FAM135A: variants seen among roughly 807,000 people sequenced by gnomAD.
FAM135A encodes protein FAM135A.
Under a neutral mutation model 146.8 loss-of-function variants are expected in FAM135A, and 79 were observed. That is an observed-to-expected ratio of 0.54 (90% CI 0.45 to 0.65). The LOEUF (loss-of-function observed/expected upper bound fraction) is 0.65, where lower values mean the gene tolerates loss of function less well. FAM135A is among the 30% of genes least tolerant of loss of function. FAM135A has a pLI of 0.00. For missense variants in FAM135A, 1,623 were observed against 1,758.2 expected (o/e 0.92, Z 1.38); for synonymous variants, 562 against 603.6 (o/e 0.93, Z 1.01).
intron 11 of FAM135A, among the ~76,000 whole-genome samples, chr6:70,496,348 G>T (rs568714569): frequency 6.6e-6 from 1 of 152,146 alleles, no homozygotes; most frequent in African/African-American, 2.4e-5. Context: ...ACTTTTCAAT[G>T]GGGTTGTTTT....
intron 4 of FAM135A, among the ~76,000 whole-genome samples, chr6:70,449,932 G>A (rs530090224): frequency 1.3e-4 from 20 of 151,986 alleles, no homozygotes; most frequent in African/African-American, 3.6e-4. Context: ...TATCTTTTCC[G>A]TTTTCTTTTT....
chr6:70,492,575 G>T (rs2128221807), intron 11 of FAM135A, among the ~76,000 whole-genome samples: 1 of 150,412 alleles, frequency 6.6e-6, no homozygotes, highest in East Asian at 2.0e-4. Flanking sequence ...GAGAATATTT[G>T]CAATATTTAA....
chr6:70,493,303 A>G (rs913947857), intron 11 of FAM135A, among the ~76,000 whole-genome samples: 1 of 152,094 alleles, frequency 6.6e-6, no homozygotes, highest in African/African-American at 2.4e-5. Context: ...ATTTGAAAGG[A>G]TATATATATT....
intron 18 of FAM135A, among the ~76,000 whole-genome samples, chr6:70,535,072 A>G (rs972292923): frequency 6.6e-6 from 1 of 152,144 alleles, no homozygotes; most frequent in African/African-American, 2.4e-5. Flanking sequence ...CCTCAAAAGT[A>G]TTGTCTTTCA....
At chr6:70,489,411 T>C (rs1785407749) in intron 10 of FAM135A, among the ~76,000 whole-genome samples, 1 of 152,194 alleles carries the variant, frequency 6.6e-6, no homozygotes, top group South Asian at 2.1e-4. Context: ...CTTGTATATT[T>C]TGTGAGTTAT....
chr6:70,537,518 T>C lies in FAM135A; in HGVS notation c.4118-773T>C, dbSNP rs146026955. 3.2e-3 allele frequency among the ~76,000 whole-genome samples: 489 copies of C among 152,292 alleles called. 1 individual carries two copies. Among genetic ancestry groups the C allele is most frequent in the African/African-American group, 0.011 (440 of 41,574 alleles). Reference sequence around the variant, plus strand: ...TGAGAAAAATGAAGTCCTTAAATAATGTATAATAGAACCCAACATGAATCG... The same window carrying C: ...TGAGAAAAATGAAGTCCTTAAATAACGTATAATAGAACCCAACATGAATCG... On this transcript the variant is annotated intron_variant, in intron 19 of 21. Coordinates refer to ENST00000418814, the MANE Select transcript of FAM135A (RefSeq NM_001162529.3).
chr6:70,549,125 C>G (rs977094106), intron 20 of FAM135A, among the ~76,000 whole-genome samples: 9 of 152,002 alleles, frequency 5.9e-5, no homozygotes, highest in African/African-American at 1.9e-4. Context: ...AGAACATACT[C>G]AACAATTCCA....
intron 20 of FAM135A, among the ~76,000 whole-genome samples, chr6:70,550,759 G>C (rs35371002): frequency 0.14 from 21,317 of 152,182 alleles, 1,919 homozygotes; most frequent in Middle Eastern, 0.22. Flanking sequence ...TTGAAGCCAG[G>C]CATTGATTCC....
chr6:70,510,491 T>A (rs1790746712), intron 12 of FAM135A, among the ~76,000 whole-genome samples: 1 of 152,072 alleles, frequency 6.6e-6, no homozygotes, highest in Non-Finnish European at 1.5e-5. Context: ...CTAGTCTCAT[T>A]TACTGATCTT....
intron 9 of FAM135A, 21 bp from the exon 10 acceptor site, chr6:70,481,980 C>G (rs1471343330): frequency 1.2e-6 from 2 of 1,605,028 alleles, no homozygotes; most frequent in Admixed American, 1.7e-5. Context: ...ACTCTGTATC[C>G]TACATCTGTT....
Position 70,549,387 on chromosome 6 carries a change from A to G in FAM135A, c.4229-7363A>G, listed in dbSNP as rs151111562. Among the ~76,000 whole-genome samples, 141 of 152,268 alleles carry G rather than the reference A, an allele frequency of 9.3e-4. 1 individual carries two copies. Among genetic ancestry groups the G allele is most frequent in the African/African-American group, 3.3e-3 (136 of 41,568 alleles). On this transcript the variant is annotated intron_variant, in intron 20 of 21. Coordinates refer to ENST00000418814, the MANE Select transcript of FAM135A (RefSeq NM_001162529.3). ...TAAGTGAAAAAAGACATAAAATAGT[A>G]TAAATACTATAATCTCAGTTATATT...
chr6:70,434,537 A>G (rs1479390812), intron 4 of FAM135A, among the ~76,000 whole-genome samples: 1 of 152,220 alleles, frequency 6.6e-6, no homozygotes, highest in African/African-American at 2.4e-5. Context: ...GCTTTGCAAT[A>G]TAGTTGATTT....
chr6:70,482,069 C>A lies in FAM135A; in HGVS notation c.738C>A (p.Ala246=). Residue 246 remains alanine, a synonymous_variant, in exon 10 of 22, where the codon GCC becomes GCA. Coordinates refer to ENST00000418814, the MANE Select transcript of FAM135A (RefSeq NM_001162529.3). ...ATCGTTTTCATTATACACTTTGTGC[C>A]ACTTTGCTGCTAGCCTTCAAGGGAT... ...HAYRFHYTLC[A]TLLLAFKGLH... is the part of the protein sequence containing the mutation. 14 of 1,613,804 alleles carry A rather than the reference C, an allele frequency of 8.7e-6. No homozygotes were observed. Among genetic ancestry groups the A allele is most frequent in the Non-Finnish European group, 1.2e-5 (14 of 1,179,838 alleles).
At position 70,524,085 on chromosome 6, in the gene FAM135A, A is replaced by G; in HGVS notation, c.1222A>G (p.Ile408Val). 1 of 1,611,486 alleles carries G rather than the reference A, an allele frequency of 6.2e-7. No homozygotes were observed. Among genetic ancestry groups the G allele is most frequent in the Non-Finnish European group, 8.5e-7 (1 of 1,178,204 alleles). ...LDGDLNSLPI[I>V]FEDRYLDSVT... ...TGGAGATCTCAATTCATTACCTATA[A>G]TCTTTGAAGATAGGTATTTAGATTC... is the stretch of plus-strand genomic sequence containing the variant. The change falls in exon 14 of 22, where the codon ATC becomes GTC. Residue 408 changes from isoleucine to valine, a missense_variant. Around this residue, in one of 7 missense-constraint regions of FAM135A, gnomAD observed 1,061 missense variants for 1,113.8 expected, o/e 0.95. Transcript: ENST00000418814.
chr6:70,476,653 G>A (rs1739338), intron 7 of FAM135A, among the ~76,000 whole-genome samples: 55,201 of 151,876 alleles, frequency 0.36, 16,125 homozygotes, highest in African/African-American at 0.81. Context: ...CATTTTTAGT[G>A]TGTATAAATC....
chr6:70,469,704 G>A (rs901173142), intron 5 of FAM135A, among the ~76,000 whole-genome samples: 7 of 151,922 alleles, frequency 4.6e-5, no homozygotes, highest in Non-Finnish European at 8.8e-5. Flanking sequence ...TTCTTGATGA[G>A]AAAAGAACAG....
chr6:70,486,119 T>G (rs754365053), intron 10 of FAM135A: 2 of 1,537,368 alleles, frequency 1.3e-6, no homozygotes, highest in Admixed American at 1.8e-5. Flanking sequence ...TAAGTTTTGT[T>G]GTGAAAGGAG....
chr6:70,477,656 C>G (rs1782881526), intron 8 of FAM135A, among the ~76,000 whole-genome samples: 1 of 152,126 alleles, frequency 6.6e-6, no homozygotes, highest in African/African-American at 2.4e-5. Context: ...AGGAATGGTA[C>G]TAAACCATTC....
At chr6:70,414,511 A>AC (rs1767092195) in intron 1 of FAM135A, among the ~76,000 whole-genome samples, 2 of 128,532 alleles carry the variant, frequency 1.6e-5, no homozygotes, top group African/African-American at 3.0e-5. Flanking sequence ...AAACTCTTCC[A>AC]CCCTCCCCCC....
Sources: allele counts gnomAD v4.1 joint callset (sites outside exome capture counted in the v4.1 genomes callset), GRCh38; gene constraint gnomAD v4.1.1; regional missense constraint gnomAD v4.1.1; transcripts MANE v1.5; gene names NCBI Gene and HGNC (gene_info 2026-07-23, HGNC 2026-07-21).